Variants in PPARGC1A observed in about 807,000 individuals in gnomAD.
The protein encoded by PPARGC1A is peroxisome proliferator-activated receptor gamma coactivator 1-alpha.
Under a neutral mutation model 88.7 loss-of-function variants are expected in PPARGC1A, and 25 were observed. The ratio of observed to expected loss-of-function variants is 0.28; its 90% CI spans 0.21 to 0.39. The LOEUF is 0.39. PPARGC1A is among the 10% of genes least tolerant of loss of function. The pLI is 1.00. For missense variants in PPARGC1A, 880 were observed against 968.7 expected (o/e 0.91, Z 1.22); for synonymous variants, 363 against 355.6 (o/e 1.02, Z -0.24).
intron 2 of PPARGC1A, among the ~76,000 whole-genome samples, chr4:23,843,236 TC>T (rs1213098581): frequency 1.3e-5 from 2 of 151,924 alleles, no homozygotes; most frequent in African/African-American, 4.8e-5. Context: ...TTCACAGAGG[TC>T]TTAAGCATTT....
At chr4:24,351,477 TCCGAGCAGAAG>T in the PPARGC1A span, among the ~76,000 whole-genome samples, 1 of 151,992 alleles carries the variant, frequency 6.6e-6, no homozygotes, top group Non-Finnish European at 1.5e-5. Context: ...ACTCAAAATT[TCCGAGCAGAAG>T]AGTGATTTGT....
At chr4:24,418,365 G>A in the PPARGC1A span, among the ~76,000 whole-genome samples, 1 of 151,996 alleles carries the variant, frequency 6.6e-6, no homozygotes, top group Admixed American at 6.6e-5. Flanking sequence ...AAACACCATG[G>A]AATCTTCCAG....
chr4:24,060,296 A>G, the PPARGC1A span, among the ~76,000 whole-genome samples: 1 of 152,340 alleles, frequency 6.6e-6, no homozygotes, highest in Admixed American at 6.5e-5. Flanking sequence ...TCATTTTGCA[A>G]GCAAGCCACT....
At chr4:24,050,006 A>G in the PPARGC1A span, among the ~76,000 whole-genome samples, 1 of 152,186 alleles carries the variant, frequency 6.6e-6, no homozygotes, top group African/African-American at 2.4e-5. Context: ...GACAGTGTAA[A>G]GAATTACATA....
the PPARGC1A span, among the ~76,000 whole-genome samples, chr4:24,459,279 C>A: frequency 6.6e-6 from 1 of 152,146 alleles, no homozygotes; most frequent in Non-Finnish European, 1.5e-5. Flanking sequence ...CTCTGCCCAT[C>A]TAAGTTCTGA....
the PPARGC1A span, among the ~76,000 whole-genome samples, chr4:23,981,014 A>C: frequency 1.3e-5 from 2 of 151,978 alleles, no homozygotes; most frequent in African/African-American, 2.4e-5. Flanking sequence ...GTTTTCTAAT[A>C]TGTAATTTCT....
At chr4:24,263,273 C>T in the PPARGC1A span, among the ~76,000 whole-genome samples, 5 of 152,102 alleles carry the variant, frequency 3.3e-5, no homozygotes, top group African/African-American at 1.2e-4. Context: ...TAAACACTAT[C>T]GATATGTCCA....
chr4:24,156,104 G>C, the PPARGC1A span, among the ~76,000 whole-genome samples: 3 of 152,080 alleles, frequency 2.0e-5, no homozygotes, highest in Non-Finnish European at 4.4e-5. Flanking sequence ...TTTGGAGATG[G>C]ATAAACTGAG....
chr4:24,148,992 CA>C, the PPARGC1A span, among the ~76,000 whole-genome samples: 2 of 152,110 alleles, frequency 1.3e-5, no homozygotes, highest in Non-Finnish European at 2.9e-5. Context: ...AGGCTGCATT[CA>C]AATCATACTG....
At chr4:24,330,141 A>G in the PPARGC1A span, among the ~76,000 whole-genome samples, 1 of 152,192 alleles carries the variant, frequency 6.6e-6, no homozygotes, top group South Asian at 2.1e-4. Flanking sequence ...GCAGTGTATT[A>G]AAGATGGGCA....
chr4:24,285,214 G>A, the PPARGC1A span, among the ~76,000 whole-genome samples: 12 of 152,176 alleles, frequency 7.9e-5, no homozygotes, highest in African/African-American at 2.9e-4. Flanking sequence ...CCCTGCTGAT[G>A]TCTTACTAGT....
chr4:23,835,480 G>A (rs1213810696), intron 2 of PPARGC1A, among the ~76,000 whole-genome samples: 1 of 150,790 alleles, frequency 6.6e-6, no homozygotes, highest in Non-Finnish European at 1.5e-5. Flanking sequence ...GTGTGTGTGT[G>A]TGTGTGTGTG....
the PPARGC1A span, among the ~76,000 whole-genome samples, chr4:24,051,426 A>C: frequency 6.6e-6 from 1 of 152,180 alleles, no homozygotes; most frequent in Non-Finnish European, 1.5e-5. Flanking sequence ...CAGTTACTCT[A>C]TGTAGTCTCT....
At chr4:24,117,710 C>T in the PPARGC1A span, among the ~76,000 whole-genome samples, 1 of 151,798 alleles carries the variant, frequency 6.6e-6, no homozygotes, top group East Asian at 1.9e-4. Flanking sequence ...GACCAGATGA[C>T]AGAGGGACCC....
At chr4:24,150,106 A>C in the PPARGC1A span, among the ~76,000 whole-genome samples, 1 of 152,306 alleles carries the variant, frequency 6.6e-6, no homozygotes, top group South Asian at 2.1e-4. Context: ...AATCAATAAA[A>C]AGCTAACAAA....
At chr4:24,193,460 G>A in the PPARGC1A span, among the ~76,000 whole-genome samples, 1 of 152,178 alleles carries the variant, frequency 6.6e-6, no homozygotes, top group Non-Finnish European at 1.5e-5. Context: ...GTGGCAGGGA[G>A]TGTCCCGCAG....
the PPARGC1A span, among the ~76,000 whole-genome samples, chr4:24,053,370 A>G: frequency 6.6e-6 from 1 of 152,194 alleles, no homozygotes; most frequent in Non-Finnish European, 1.5e-5. Flanking sequence ...AGACATGGGA[A>G]AAGAGCAAAA....
the PPARGC1A span, among the ~76,000 whole-genome samples, chr4:24,194,140 A>T: frequency 6.6e-6 from 1 of 151,650 alleles, no homozygotes; most frequent in African/African-American, 2.4e-5. Flanking sequence ...AAAAAAAAAA[A>T]AAAAAGTACA....
intron 2 of PPARGC1A, among the ~76,000 whole-genome samples, chr4:23,878,051 T>G (rs997582082): frequency 1.3e-5 from 2 of 152,218 alleles, no homozygotes; most frequent in African/African-American, 4.8e-5. Flanking sequence ...TTTTTCCTGA[T>G]TCTGCTCCAA....
Sources: allele counts gnomAD v4.1 joint callset (sites outside exome capture counted in the v4.1 genomes callset), GRCh38; gene constraint gnomAD v4.1.1; transcripts MANE v1.5; gene names NCBI Gene and HGNC (gene_info 2026-07-23, HGNC 2026-07-21).